The following ROR2 variants were observed in gnomAD, a reference collection of about 807,000 sequenced individuals.
ROR2 encodes ROR family WNT receptor 2.
Under a neutral mutation model 74.9 loss-of-function variants are expected in ROR2, and 33 were observed. The observed-to-expected ratio is 0.44, with a 90% CI of 0.33 to 0.59. The LOEUF (loss-of-function observed/expected upper bound fraction) is 0.59. Ranked by LOEUF, ROR2 falls within the 20% of genes least tolerant of loss-of-function variation. The pLI, the probability that ROR2 is intolerant of heterozygous loss-of-function variation, is 0.02. For missense variants in ROR2, 1,216 were observed against 1,313.8 expected (o/e 0.93, Z 1.15); for synonymous variants, 586 against 558.7 (o/e 1.05, Z -0.69).
chr9:91,729,978 A>G (rs1837177203), intron 7 of ROR2, among the ~76,000 whole-genome samples: 1 of 152,132 alleles, frequency 6.6e-6, no homozygotes, highest in African/African-American at 2.4e-5. Flanking sequence ...TGTTTTTGAG[A>G]AAAGGTCTTG....
chr9:91,916,752 T>C (rs1314987797), intron 1 of ROR2, among the ~76,000 whole-genome samples: 1 of 152,016 alleles, frequency 6.6e-6, no homozygotes, highest in Non-Finnish European at 1.5e-5. Context: ...AAGAAAAAAA[T>C]CTTGGAATCG....
At chr9:91,732,010 G>A (rs760463036) in intron 6 of ROR2, among the ~76,000 whole-genome samples, 13 of 152,192 alleles carry the variant, frequency 8.5e-5, no homozygotes, top group African/African-American at 2.2e-4. Flanking sequence ...TCATCCCCAC[G>A]GAATATAAGG....
At chr9:91,735,880 T>C (rs1293577350) in intron 5 of ROR2, among the ~76,000 whole-genome samples, 1 of 152,054 alleles carries the variant, frequency 6.6e-6, no homozygotes, top group Non-Finnish European at 1.5e-5. Context: ...CCTCCGAAAG[T>C]GCTAGGATTA....
At position 91,724,203 on chromosome 9, in the gene ROR2, GC is replaced by G; in HGVS notation, c.2290del (p.Ala764ProfsTer10). 1.2e-6 allele frequency: 2 copies of G among 1,612,986 alleles called. No individual in the cohort carries two copies. On this transcript the variant is annotated frameshift_variant, in exon 9 of 9. Transcript: ENST00000375708. LOFTEE classifies it high-confidence loss of function. The part of the protein sequence containing the change: ...NYNSSAQTSG[A>X]SNTTQTSSLS... ...GGAGCTGGTCTGCGTGGTGTTGCTG[GC>G]CCCCGAGGTCTGCGCCGAGCTGTTG... is the stretch of plus-strand genomic sequence containing the variant.
chr9:91,869,000 G>C (rs1361364033), intron 1 of ROR2, among the ~76,000 whole-genome samples: 1 of 152,120 alleles, frequency 6.6e-6, no homozygotes, highest in African/African-American at 2.4e-5. Context: ...CCACTCCTAG[G>C]TATTCACCAT....
At chr9:91,886,122 G>T (rs1024983223) in intron 1 of ROR2, among the ~76,000 whole-genome samples, 1 of 151,966 alleles carries the variant, frequency 6.6e-6, no homozygotes, top group African/African-American at 2.4e-5. Flanking sequence ...TGATCCACCC[G>T]CCTCAGCCTC....
intron 1 of ROR2, among the ~76,000 whole-genome samples, chr9:91,938,114 C>A (rs1831750705): frequency 6.6e-6 from 1 of 152,068 alleles, no homozygotes; most frequent in Non-Finnish European, 1.5e-5. Flanking sequence ...TTTGACCAAC[C>A]CCCTCATCTC....
chr9:91,747,974 A>G (rs1012923302), intron 4 of ROR2, among the ~76,000 whole-genome samples: 15 of 152,228 alleles, frequency 9.9e-5, no homozygotes, highest in Non-Finnish European at 1.5e-4. Flanking sequence ...TTCAGTTAGA[A>G]GGAGGACTAA....
At chr9:91,848,764 G>GA (rs36044426) in intron 1 of ROR2, among the ~76,000 whole-genome samples, 3,243 of 103,672 alleles carry the variant, frequency 0.031, 110 homozygotes, top group African/African-American at 0.091. Context: ...CAGGGGGGAA[G>GA]AAAAAAAAAA....
chr9:91,723,775 T>C lies in ROR2; in HGVS notation c.2719A>G (p.Ser907Gly). The change falls in exon 9 of 9, where the codon AGC (serine) becomes GGC (glycine). Residue 907 changes from serine (S) to glycine (G), a missense_variant. Ser to Gly is a moderately conservative substitution (Grantham distance 56). Coordinates refer to ENST00000375708, the MANE Select transcript of ROR2 (RefSeq NM_004560.4). Reference protein sequence around the residue: ...TQNAPEDGAQSTVQEAEEEEE... With the variant: ...TQNAPEDGAQGTVQEAEEEEE... The stretch of plus-strand genomic sequence containing the variant: ...TCCTCCTCTGCTTCCTGCACGGTGC[T>C]CTGGGCCCCATCTTCTGGGGCGTTC... The C allele has an allele frequency of 1.2e-6, 2 of 1,613,826 alleles. No individual in the cohort carries two copies. Among genetic ancestry groups the C allele is most frequent in the Non-Finnish European group, 1.7e-6 (2 of 1,180,028 alleles).
chr9:91,825,794 A>G (rs1024363018), intron 1 of ROR2, among the ~76,000 whole-genome samples: 3 of 152,228 alleles, frequency 2.0e-5, no homozygotes, highest in African/African-American at 7.2e-5. Context: ...ACAAGCCTCA[A>G]TTTAGCAAAG....
intron 1 of ROR2, among the ~76,000 whole-genome samples, chr9:91,941,021 G>A (rs1185671587): frequency 8.7e-6 from 1 of 115,350 alleles, no homozygotes; most frequent in African/African-American, 3.2e-5. Context: ...TTTTTGAGAT[G>A]GAGTCTCGCT....
chr9:91,728,160 C>T (rs921118356), intron 7 of ROR2, among the ~76,000 whole-genome samples: 4 of 152,198 alleles, frequency 2.6e-5, no homozygotes, highest in African/African-American at 4.8e-5. Context: ...ATCTACTTAA[C>T]ATTACCAACA....
intron 1 of ROR2, among the ~76,000 whole-genome samples, chr9:91,838,931 G>A (rs1260427510): frequency 2.6e-5 from 4 of 152,126 alleles, no homozygotes; most frequent in African/African-American, 7.2e-5. Flanking sequence ...AGAAGTTCCC[G>A]GTGGACTCTA....
rs907695408 is a variant in ROR2 at position 91,855,829 on chromosome 9, A to C, written c.98-80011T>G. Among the ~76,000 whole-genome samples the C allele has an allele frequency of 5.9e-5, 9 of 151,732 alleles. 1 individual carries two copies. In the South Asian group the frequency reaches 1.9e-3, roughly 32 times the overall value. Reference sequence around the variant, plus strand: ...GGACCAGGGCGGCCTTGGGGTCAGCACCCCCAAGAGACACTGCTGCACAGA... The same window carrying C: ...GGACCAGGGCGGCCTTGGGGTCAGCCCCCCCAAGAGACACTGCTGCACAGA... On this transcript the variant is annotated intron_variant, in intron 1 of 8. Transcript: ENST00000375708.
In ROR2 at chr9:91,855,795, A is replaced by G. The variant is rs762238959; in HGVS notation, c.98-79977T>C. Among the ~76,000 whole-genome samples, 8 of 151,912 alleles carry G rather than the reference A, an allele frequency of 5.3e-5. 1 individual carries two copies. In the South Asian group the frequency reaches 1.5e-3, roughly 28 times the overall value. On this transcript the variant is annotated intron_variant, in intron 1 of 8. Coordinates refer to ENST00000375708, the MANE Select transcript of ROR2 (RefSeq NM_004560.4). ...CTACACAACTCTGGGATGCTACCTC[A>G]GAGAGGAGGGACCAGGGCGGCCTTG...
chr9:91,743,301 G>T (rs1191980961), intron 4 of ROR2, among the ~76,000 whole-genome samples: 1 of 152,182 alleles, frequency 6.6e-6, no homozygotes, highest in Non-Finnish European at 1.5e-5. Context: ...GCCGGGTGCA[G>T]TGGCTCACAT....
Position 91,814,391 on chromosome 9 carries a change from C to T in ROR2, c.98-38573G>A, listed in dbSNP as rs1053042907. ...CCACGCACTCTAGCCTCCCCTTACC[C>T]CACGCACACTCCAGGGAGAAGAGCG... On this transcript the variant is annotated intron_variant, in intron 1 of 8. Transcript: ENST00000375708. 2.0e-5 allele frequency among the ~76,000 whole-genome samples: 3 copies of T among 152,134 alleles called. No homozygotes were observed. In the East Asian group the frequency reaches 5.8e-4, roughly 29 times the overall value.
chr9:91,897,559 G>C (rs993555335), intron 1 of ROR2, among the ~76,000 whole-genome samples: 3 of 148,064 alleles, frequency 2.0e-5, no homozygotes, highest in Admixed American at 6.7e-5. Flanking sequence ...ACAGGATTTG[G>C]AAGTGGGTGG....
Sources: allele counts gnomAD v4.1 joint callset (sites outside exome capture counted in the v4.1 genomes callset), GRCh38; gene constraint gnomAD v4.1.1; transcripts MANE v1.5; gene names NCBI Gene and HGNC (gene_info 2026-07-23, HGNC 2026-07-21).